The following PALM2AKAP2 variants were observed in gnomAD, a reference collection of about 807,000 sequenced individuals.
PALM2AKAP2 encodes the protein PALM2-AKAP2 fusion protein.
PALM2AKAP2 carries 37 observed loss-of-function variants against 71.5 expected under a neutral mutation model. The ratio of observed to expected loss-of-function variants is 0.52; its 90% CI spans 0.40 to 0.68. PALM2AKAP2 has a LOEUF of 0.68. Ranked by LOEUF, PALM2AKAP2 falls within the 30% of genes least tolerant of loss-of-function variation. The pLI, the probability that PALM2AKAP2 is intolerant of heterozygous loss-of-function variation, is 0.00. For synonymous variants in PALM2AKAP2, 468 were observed against 478.8 expected, an observed-to-expected ratio of 0.98 and a Z score of 0.29; for missense variants, 1,224 against 1,191.8, an observed-to-expected ratio of 1.03 and a Z score of -0.40.
rs538805031 is a variant in PALM2AKAP2, at chr9:109,769,375, C to A, written c.6-11113C>A. 1.1e-4 allele frequency among the ~76,000 whole-genome samples: 17 copies of A among 152,234 alleles called. No homozygotes were observed. In the South Asian group the frequency reaches 2.3e-3, roughly 20 times the overall value. On this transcript the variant is annotated intron_variant, in intron 1 of 6. Coordinates refer to the PALM2AKAP2 transcript ENST00000374531. ...GTCTGTCTGGTGCTGGGGTTTGAAACCTGATGCCCATGTGTCACTTGCTTT... is the reference window on the plus strand; with the variant it reads ...GTCTGTCTGGTGCTGGGGTTTGAAAACTGATGCCCATGTGTCACTTGCTTT...
chr9:109,854,757 A>ATTTTTT, intron 1 of PALM2AKAP2, among the ~76,000 whole-genome samples: 1 of 130,096 alleles, frequency 7.7e-6, no homozygotes. Context: ...TTTTAAAAGA[A>ATTTTTT]TGTATCTTTT....
chr9:109,643,243 G>T (rs556266147), intron 1 of PALM2AKAP2, among the ~76,000 whole-genome samples: 21 of 152,236 alleles, frequency 1.4e-4, no homozygotes, highest in African/African-American at 5.1e-4. Flanking sequence ...GAACAGACTC[G>T]GCCTGATGCA....
intron 1 of PALM2AKAP2, among the ~76,000 whole-genome samples, chr9:109,706,677 AATAG>A (rs1302936700): frequency 1.3e-5 from 2 of 152,240 alleles, no homozygotes; most frequent in African/African-American, 4.8e-5. Flanking sequence ...TCAATGGAAA[AATAG>A]ATAAAGAAAA....
chr9:109,831,747 A>G (rs1238015240), intron 1 of PALM2AKAP2, among the ~76,000 whole-genome samples: 5 of 152,228 alleles, frequency 3.3e-5, no homozygotes, highest in Non-Finnish European at 7.3e-5. Flanking sequence ...AGTACATAAA[A>G]TAATCAATTC....
intron 1 of PALM2AKAP2, among the ~76,000 whole-genome samples, chr9:110,083,789 G>C (rs1341940665): frequency 1.3e-5 from 2 of 152,226 alleles, no homozygotes; most frequent in Non-Finnish European, 2.9e-5. Flanking sequence ...TGATAGCATG[G>C]AAGAGCATGA....
chr9:109,732,924 G>A (rs79454525), intron 1 of PALM2AKAP2, among the ~76,000 whole-genome samples: 6,118 of 152,236 alleles, frequency 0.04, 186 homozygotes, highest in Non-Finnish European at 0.053. Flanking sequence ...GGGTGGGTAT[G>A]TGTGACAAAT....
At chr9:109,854,791 A>G (rs1379261309) in intron 1 of PALM2AKAP2, among the ~76,000 whole-genome samples, 43 of 10,812 alleles carry the variant, frequency 4.0e-3, no homozygotes, top group Non-Finnish European at 8.6e-3. Flanking sequence ...TTTTTTTTTT[A>G]GATGGAGTCT....
At chr9:110,108,937 G>T (rs991752725) in intron 1 of PALM2AKAP2, among the ~76,000 whole-genome samples, 3 of 151,994 alleles carry the variant, frequency 2.0e-5, no homozygotes, top group African/African-American at 4.8e-5. Flanking sequence ...TTCTCCATGG[G>T]GCTCAAAACC....
At chr9:109,774,731 A>AT (rs1409339639) in intron 1 of PALM2AKAP2, among the ~76,000 whole-genome samples, 1 of 151,960 alleles carries the variant, frequency 6.6e-6, no homozygotes, top group African/African-American at 2.4e-5. Flanking sequence ...GGTCCATGGC[A>AT]TTTTTCATGA....
At chr9:109,689,037 T>C (rs117137524) in intron 1 of PALM2AKAP2, among the ~76,000 whole-genome samples, 1,863 of 152,272 alleles carry the variant, frequency 0.012, 19 homozygotes, top group Non-Finnish European at 0.02. Flanking sequence ...TACTGTTTTT[T>C]CTTCAGGGTG....
chr9:109,926,431 ACTT>A (rs1329632772), intron 5 of PALM2AKAP2, among the ~76,000 whole-genome samples: 1 of 152,052 alleles, frequency 6.6e-6, no homozygotes, highest in African/African-American at 2.4e-5. Flanking sequence ...GACCTACAAT[ACTT>A]CTAGGAAGTC....
At chr9:109,975,081 C>CA (rs1269018265) in intron 6 of PALM2AKAP2, among the ~76,000 whole-genome samples, 1 of 151,698 alleles carries the variant, frequency 6.6e-6, no homozygotes. Flanking sequence ...CACACACACA[C>CA]ACGTTTGTGT....
At chr9:109,861,511 T>A (rs1056393551) in intron 1 of PALM2AKAP2, among the ~76,000 whole-genome samples, 1 of 152,150 alleles carries the variant, frequency 6.6e-6, no homozygotes, top group African/African-American at 2.4e-5. Flanking sequence ...AATATATAAT[T>A]TATAGAAAGT....
chr9:109,820,133 A>T (rs1209130912), intron 1 of PALM2AKAP2, among the ~76,000 whole-genome samples: 2 of 152,252 alleles, frequency 1.3e-5, no homozygotes, highest in Admixed American at 1.3e-4. Context: ...TTAGAATTTG[A>T]ATATCAAAAT....
chr9:110,011,890 T>C (rs1263192497), intron 6 of PALM2AKAP2, among the ~76,000 whole-genome samples: 1 of 152,252 alleles, frequency 6.6e-6, no homozygotes, highest in Non-Finnish European at 1.5e-5. Context: ...TAGCACAAGA[T>C]ACTGGTGTAG....
chr9:110,015,811 T>G (rs536583435), intron 6 of PALM2AKAP2, 143 bp from the exon 7 acceptor site: 58 of 717,446 alleles, frequency 8.1e-5, no homozygotes, highest in Non-Finnish European at 1.3e-4. Flanking sequence ...CCTAGCCCAG[T>G]AACTGCAAGA....
At chr9:110,134,257 C>A (rs1835797977) in intron 1 of PALM2AKAP2, among the ~76,000 whole-genome samples, 2 of 150,300 alleles carry the variant, frequency 1.3e-5, no homozygotes, top group South Asian at 4.2e-4. Context: ...CCAGCCTGGG[C>A]AACAGAGCAA....
intron 2 of PALM2AKAP2, among the ~76,000 whole-genome samples, chr9:110,150,469 G>C (rs1021266544): frequency 1.1e-4 from 16 of 152,122 alleles, no homozygotes; most frequent in African/African-American, 3.9e-4. Context: ...CAGCAGTGCA[G>C]CATCTTCAGA....
intron 3 of PALM2AKAP2, among the ~76,000 whole-genome samples, chr9:110,157,358 G>C (rs982294958): frequency 6.6e-6 from 1 of 151,224 alleles, no homozygotes; most frequent in Non-Finnish European, 1.5e-5. Context: ...GCCTGTTGTG[G>C]TGTTGTGGTT....
Sources: gnomAD v4.1 joint callset for allele counts (sites outside exome capture counted in the v4.1 genomes callset) on GRCh38, gnomAD v4.1.1 for gene constraint, MANE v1.5 for transcripts, NCBI Gene and HGNC (gene_info 2026-07-23, HGNC 2026-07-21) for gene names.